LAMC1: variants seen among roughly 807,000 people sequenced by gnomAD.
LAMC1 encodes laminin subunit gamma 1, also known as laminin subunit gamma-1.
Under a neutral mutation model 173.6 loss-of-function variants are expected in LAMC1, and 38 were observed. The ratio of observed to expected loss-of-function variants is 0.22; its 90% CI spans 0.17 to 0.29. LAMC1 has a LOEUF of 0.29. Ranked by LOEUF, LAMC1 falls within the 10% of genes least tolerant of loss-of-function variation. The pLI is 1.00. For missense variants in LAMC1, 1,824 were observed against 2,051.8 expected (o/e 0.89, Z 2.14); for synonymous variants, 746 against 749.1 (o/e 1.00, Z 0.07).
chr1:183,142,528 C>T lies in LAMC1; in HGVS notation c.4574-6C>T. On this transcript the variant is annotated splice_polypyrimidine_tract_variant and splice_region_variant and intron_variant, in intron 27 of 27. Coordinates refer to ENST00000258341, the MANE Select transcript of LAMC1 (RefSeq NM_002293.4). ...GTTCTCTTCTATGTACTTTCTGACC[C>T]TCCAGGGCAGCTGGATACAGTGGAC... 1 of 1,605,168 alleles carries T rather than the reference C, an allele frequency of 6.2e-7. No homozygotes were observed. Among genetic ancestry groups the T allele is most frequent in the African/African-American group, 1.3e-5 (1 of 74,810 alleles).
intron 1 of LAMC1, among the ~76,000 whole-genome samples, chr1:183,070,075 A>T (rs984212295): frequency 6.6e-6 from 1 of 152,220 alleles, no homozygotes; most frequent in Non-Finnish European, 1.5e-5. Context: ...AATGGGCTAG[A>T]TTGTGGCATG....
rs187691371 is a variant in LAMC1, at chr1:183,048,804, A to G, written c.418+24670A>G. 2.0e-3 allele frequency among the ~76,000 whole-genome samples: 298 copies of G among 152,216 alleles called. 2 individuals are homozygous for G. The highest frequency in any genetic ancestry group is 6.7e-3 in the African/African-American group (279 of 41,536). ...TCACTTTACAGCACCTCATCCTCAC[A>G]CGTGTCTTTTAAATAGTCTTCTGCC... On this transcript the variant is annotated intron_variant, in intron 1 of 27. Coordinates refer to ENST00000258341, the MANE Select transcript of LAMC1 (RefSeq NM_002293.4).
chr1:183,140,977 G>A (rs1185304948), intron 27 of LAMC1: 1 of 152,258 alleles, frequency 6.6e-6, no homozygotes, highest in African/African-American at 2.4e-5. Flanking sequence ...TATCTTTAAG[G>A]GATTTAAAGT....
At chr1:183,128,793 A>G (rs1413802386) in intron 18 of LAMC1, 43 bp downstream of exon 18, 1 of 1,480,188 alleles carries the variant, frequency 6.8e-7, no homozygotes, top group South Asian at 1.5e-5. Context: ...GAGATGGACC[A>G]ATCTTTAGAT....
chr1:183,103,616 A>G lies in LAMC1; in HGVS notation c.707A>G (p.Asn236Ser), dbSNP rs144845315. 163 of 1,563,380 alleles carry G rather than the reference A, an allele frequency of 1.0e-4. No individual in the cohort carries two copies. The highest frequency in any genetic ancestry group is 9.7e-4 in the African/African-American group (71 of 73,470). The change falls in exon 2 of 28, where the codon AAT (asparagine) becomes AGT (serine). Residue 236 changes from asparagine to serine, a missense_variant. Physicochemically the swap from Asn to Ser is conservative, Grantham distance 46. Coordinates refer to ENST00000258341, the MANE Select transcript of LAMC1 (RefSeq NM_002293.4). ...AGGCCCAGCGCCTATAACTTTGACA[A>G]TAGCCCTGTGCTGCAGGTAAATTCT... is the stretch of plus-strand genomic sequence containing the variant. Reference protein sequence around the residue: ...EGRPSAYNFDNSPVLQEWVTA... With the variant: ...EGRPSAYNFDSSPVLQEWVTA...
At chr1:183,088,813 A>G (rs1034265767) in intron 1 of LAMC1, among the ~76,000 whole-genome samples, 1 of 152,202 alleles carries the variant, frequency 6.6e-6, no homozygotes, top group Non-Finnish European at 1.5e-5. Flanking sequence ...AGACTAGAGA[A>G]TGGCTTAAAG....
At chr1:183,038,389 C>G (rs376563414) in intron 1 of LAMC1, among the ~76,000 whole-genome samples, 42 of 152,292 alleles carry the variant, frequency 2.8e-4, no homozygotes, top group Non-Finnish European at 6.2e-4. Context: ...GGGTGGCACC[C>G]TGTGCTACAC....
chr1:183,136,951 A>G (rs1183860302), intron 25 of LAMC1, among the ~76,000 whole-genome samples: 1 of 152,202 alleles, frequency 6.6e-6, no homozygotes, highest in Non-Finnish European at 1.5e-5. Flanking sequence ...CCTTATCAAT[A>G]TAACTTTCAA....
chr1:183,071,265 A>G (rs1458855724), intron 1 of LAMC1, among the ~76,000 whole-genome samples: 2 of 152,088 alleles, frequency 1.3e-5, no homozygotes, highest in Admixed American at 6.5e-5. Context: ...TGTTTTGTCT[A>G]CACGTGGGTG....
intron 1 of LAMC1, among the ~76,000 whole-genome samples, chr1:183,042,014 C>T (rs760613883): frequency 1.6e-4 from 25 of 152,124 alleles, no homozygotes; most frequent in Admixed American, 4.6e-4. Context: ...GGTATAGTTT[C>T]CTCACCAGCA....
intron 1 of LAMC1, among the ~76,000 whole-genome samples, chr1:183,046,367 A>G (rs893193636): frequency 2.0e-5 from 3 of 152,086 alleles, no homozygotes; most frequent in Non-Finnish European, 2.9e-5. Context: ...GTTCCTCAGT[A>G]AGCTGTTTGC....
intron 3 of LAMC1, among the ~76,000 whole-genome samples, chr1:183,109,829 G>A (rs1656092719): frequency 1.3e-5 from 2 of 152,180 alleles, no homozygotes; most frequent in African/African-American, 2.4e-5. Context: ...TATCATACTT[G>A]CATCTAGGGG....
intron 21 of LAMC1, among the ~76,000 whole-genome samples, chr1:183,133,018 C>G (rs1656840561): frequency 1.3e-5 from 2 of 152,118 alleles, no homozygotes; most frequent in East Asian, 3.9e-4. Context: ...TCAAGCGATT[C>G]TCCTGCCTCG....
rs1653601279 is a variant in LAMC1 at position 183,023,765 on chromosome 1, C to G, written c.49C>G (p.Leu17Val). The change falls in exon 1 of 28, where the codon CTC (leucine) becomes GTC (valine). Residue 17 changes from leucine to valine, a missense_variant. Physicochemically the swap from Leu to Val is conservative, Grantham distance 32. Transcript: ENST00000258341. ...AAPALRPRGRLWPVLAVLAAA... is the reference protein window; with the variant it reads ...AAPALRPRGRVWPVLAVLAAA... ...GCCGGCCCTGCGGCCCCGGGGGCGG[C>G]TCTGGCCCGTGCTGGCCGTGCTGGC... 1 of 1,401,710 alleles carries G rather than the reference C, an allele frequency of 7.1e-7. No homozygotes were observed. Among genetic ancestry groups the G allele is most frequent in the African/African-American group, 1.5e-5 (1 of 66,204 alleles). 86.8% of individuals were successfully genotyped at this position (1,401,710 alleles called of 1,614,324 possible).
chr1:183,025,982 G>C (rs765675399), intron 1 of LAMC1, among the ~76,000 whole-genome samples: 10 of 152,186 alleles, frequency 6.6e-5, no homozygotes, highest in Non-Finnish European at 1.5e-4. Context: ...GAGTAACCCA[G>C]TATCAGTTAC....
intron 1 of LAMC1, among the ~76,000 whole-genome samples, chr1:183,089,168 G>A (rs1655505167): frequency 6.6e-6 from 1 of 152,178 alleles, no homozygotes; most frequent in Non-Finnish European, 1.5e-5. Context: ...AAAGGACTTT[G>A]GCTGTTCTCC....
chr1:183,125,658 C>T, intron 15 of LAMC1, 108 bp downstream of exon 15: 3 of 828,898 alleles, frequency 3.6e-6, no homozygotes, highest in Non-Finnish European at 3.7e-6. Flanking sequence ...TACTGGAGCG[C>T]CTAATGTAGG....
At chr1:183,141,522 A>G (rs1478427640) in intron 27 of LAMC1, among the ~76,000 whole-genome samples, 1 of 152,148 alleles carries the variant, frequency 6.6e-6, no homozygotes, top group Non-Finnish European at 1.5e-5. Context: ...TTTAGGACAG[A>G]TGCACTTTTG....
intron 1 of LAMC1, among the ~76,000 whole-genome samples, chr1:183,070,879 C>T (rs959256613): frequency 1.3e-5 from 2 of 151,920 alleles, no homozygotes; most frequent in Admixed American, 6.6e-5. Flanking sequence ...ATCCTACAGA[C>T]GATGGTTGGT....
Sources: gnomAD v4.1 joint callset for allele counts (sites outside exome capture counted in the v4.1 genomes callset) on GRCh38, gnomAD v4.1.1 for gene constraint, MANE v1.5 for transcripts, NCBI Gene and HGNC (gene_info 2026-07-23, HGNC 2026-07-21) for gene names.